SLC18A3: variants seen among roughly 807,000 people sequenced by gnomAD.
SLC18A3 encodes vesicular acetylcholine transporter.
Under a neutral mutation model 24.2 loss-of-function variants are expected in SLC18A3, and 18 were observed. The ratio of observed to expected loss-of-function variants is 0.74; its 90% CI spans 0.51 to 1.10. The LOEUF (loss-of-function observed/expected upper bound fraction) is 1.10, where lower values mean the gene tolerates loss of function less well. Ranked by LOEUF, SLC18A3 falls within the 50% of genes least tolerant of loss-of-function variation. The pLI, the probability that SLC18A3 is intolerant of heterozygous loss-of-function variation, is 0.00. For missense variants in SLC18A3, 744 were observed against 750.7 expected, an observed-to-expected ratio of 0.99 and a Z score of 0.10; for synonymous variants, 415 against 355.4, an observed-to-expected ratio of 1.17 and a Z score of -1.89.
At position 49,612,612 on chromosome 10, in the gene SLC18A3, T is replaced by G; in HGVS notation, c.*273T>G. ...TGAGTCCCCACCTGCGGCTCCCCTG[T>G]GTAGAGCCTGCATCTGTCTGTCCTT... is the stretch of plus-strand genomic sequence containing the variant. On this transcript the variant is annotated 3_prime_UTR_variant, in exon 1 of 1. Coordinates refer to ENST00000374115, the MANE Select transcript of SLC18A3 (RefSeq NM_003055.3). The G allele has an allele frequency of 2.2e-6, 1 of 455,922 alleles. No individual in the cohort carries two copies. 28.2% of individuals were successfully genotyped at this position (455,922 alleles called of 1,614,324 possible).
Position 49,611,366 on chromosome 10 carries a change from A to G in SLC18A3, c.626A>G (p.Glu209Gly). The G allele has an allele frequency of 5.0e-6, 8 of 1,600,182 alleles. No individual in the cohort carries two copies. The highest frequency in any genetic ancestry group is 5.9e-6 in the Non-Finnish European group (7 of 1,179,742). ...MIADKYPEEP[E>G]RSRALGVALA... ...GCCGATAAGTACCCGGAGGAGCCGGAGCGCAGTCGTGCACTGGGCGTGGCG... is the reference window on the plus strand; with the variant it reads ...GCCGATAAGTACCCGGAGGAGCCGGGGCGCAGTCGTGCACTGGGCGTGGCG... The change falls in exon 1 of 1, where the codon GAG (glutamate) becomes GGG (glycine). Residue 209 changes from glutamate (E) to glycine (G), a missense_variant. Transcript: ENST00000374115.
Position 49,610,791 on chromosome 10 carries a change from G to A in SLC18A3, c.51G>A (p.Leu17=), listed in dbSNP as rs757428332. The part of the protein sequence containing the change: ...AGQARAAATK[L]SEAVGAALQE... ...AGGCCCGGGCGGCGGCCACCAAGCT[G>A]TCGGAGGCTGTGGGCGCGGCGCTGC... is the stretch of plus-strand genomic sequence containing the variant. Residue 17 remains leucine, a synonymous_variant, in exon 1 of 1, where the codon CTG becomes CTA. Coordinates refer to ENST00000374115, the MANE Select transcript of SLC18A3 (RefSeq NM_003055.3). 21 of 1,584,544 alleles carry A rather than the reference G, an allele frequency of 1.3e-5. No individual in the cohort carries two copies. Among genetic ancestry groups the A allele is most frequent in the East Asian group, 6.9e-5 (3 of 43,776 alleles).
rs1838279385 is a variant in SLC18A3 at position 49,611,006 on chromosome 10, A to G, written c.266A>G (p.Asn89Ser). 2.5e-6 allele frequency: 4 copies of G among 1,613,566 alleles called. No homozygotes were observed. The highest frequency in any genetic ancestry group is 3.4e-6 in the Non-Finnish European group (4 of 1,179,694). ...ACCCTGCCGCTGCCCACTCCGGCCA[A>G]TGCCAGCGCCTACACGGCCAACACC... ...EPTLPLPTPA[N>S]ASAYTANTSA... The change falls in exon 1 of 1, where the codon AAT becomes AGT. Residue 89 changes from asparagine (N) to serine (S), a missense_variant. By Grantham distance (46) the Asn-to-Ser change is conservative. Around this residue, in one of 3 missense-constraint regions of SLC18A3, gnomAD observed 566 missense variants for 566.2 expected, o/e 1.00. Transcript: ENST00000374115.
Position 49,612,360 on chromosome 10 carries a change from C to T in SLC18A3, c.*21C>T. 1 of 1,561,106 alleles carries T rather than the reference C, an allele frequency of 6.4e-7. No homozygotes were observed. Among genetic ancestry groups the T allele is most frequent in the Non-Finnish European group, 8.7e-7 (1 of 1,149,702 alleles). On this transcript the variant is annotated 3_prime_UTR_variant, in exon 1 of 1. Transcript: ENST00000374115. ...GCTAGCATCCCCACTCCTCCTCCAG[C>T]CCACCCAACCGCCTTGGGTCAAGGG... is the stretch of plus-strand genomic sequence containing the variant.
chr10:49,612,115 A>G lies in SLC18A3; in HGVS notation c.1375A>G (p.Asn459Asp). The G allele has an allele frequency of 6.2e-7, 1 of 1,612,516 alleles. No homozygotes were observed. The highest frequency in any genetic ancestry group is 2.2e-5 in the East Asian group (1 of 44,816). Residue 459 changes from asparagine (N) to aspartate (D), a missense_variant, in exon 1 of 1, where the codon AAC becomes GAC. By Grantham distance (23) the Asn-to-Asp change is conservative. Coordinates refer to ENST00000374115, the MANE Select transcript of SLC18A3 (RefSeq NM_003055.3). ...EQLSLGMGLANLLYAPVLLLL... is the reference protein window; with the variant it reads ...EQLSLGMGLADLLYAPVLLLL... ...GCTCAGCCTTGGCATGGGACTGGCC[A>G]ACCTGCTCTATGCTCCCGTCTTGCT...
chr10:49,612,334 A>G lies in SLC18A3; in HGVS notation c.1594A>G (p.Ser532Gly). ...CGACTACAACTACTACTACACCCGC[A>G]GCTAGCATCCCCACTCCTCCTCCAG... ...EDDYNYYYTRS is the reference protein window; with the variant it reads ...EDDYNYYYTRG The change falls in exon 1 of 1, where the codon AGC becomes GGC. Residue 532 changes from serine (S) to glycine (G), a missense_variant. Ser to Gly is a moderately conservative substitution (Grantham distance 56). This residue lies in a region of SLC18A3 where 160 missense variants were observed against 140.9 expected (regional missense o/e 1.14). Transcript: ENST00000374115. 6.3e-7 allele frequency: 1 copy of G among 1,583,988 alleles called. No individual in the cohort carries two copies. Among genetic ancestry groups the G allele is most frequent in the African/African-American group, 1.3e-5 (1 of 74,410 alleles).
At position 49,611,364 on chromosome 10, in the gene SLC18A3, G is replaced by C. The variant is rs1484351159; in HGVS notation, c.624G>C (p.Pro208=). ...AMIADKYPEE[P]ERSRALGVAL... ...TCGCCGATAAGTACCCGGAGGAGCC[G>C]GAGCGCAGTCGTGCACTGGGCGTGG... Residue 208 remains proline (P), a synonymous_variant, in exon 1 of 1, where the codon CCG becomes CCC. Transcript: ENST00000374115. 3.1e-6 allele frequency: 5 copies of C among 1,600,270 alleles called. No homozygotes were observed. Among genetic ancestry groups the C allele is most frequent in the East Asian group, 4.5e-5 (2 of 44,832 alleles).
Position 49,612,451 on chromosome 10 carries a change from C to A in SLC18A3, c.*112C>A. 1 of 1,066,046 alleles carries A rather than the reference C, an allele frequency of 9.4e-7. No homozygotes were observed. The highest frequency in any genetic ancestry group is 1.6e-5 in the South Asian group (1 of 62,864). The allele number at this position is 1,066,046 out of a possible 1,614,324, so 66.0% of individuals were successfully genotyped here. A position where few individuals can be genotyped will look rare whatever the true frequency, so the allele number is the denominator to read the frequency against. On this transcript the variant is annotated 3_prime_UTR_variant, in exon 1 of 1. Coordinates refer to ENST00000374115, the MANE Select transcript of SLC18A3 (RefSeq NM_003055.3). ...CCACCTCCTCCAGCGAGTACCCCAG[C>A]CACTCCTCAACCTTGACTTCTGCCC...
At position 49,610,904 on chromosome 10, in the gene SLC18A3, C is replaced by T. The variant is rs1838275553; in HGVS notation, c.164C>T (p.Pro55Leu). The part of the protein sequence containing the change: ...LDNMLYMVIV[P>L]IVPDYIAHMR... ...AACATGCTGTACATGGTCATCGTGC[C>T]CATAGTGCCCGACTACATCGCCCAC... The change falls in exon 1 of 1, where the codon CCC (proline) becomes CTC (leucine). Residue 55 changes from proline (P) to leucine (L), a missense_variant. Physicochemically the swap from Pro to Leu is moderately conservative, Grantham distance 98. Around this residue, in one of 3 missense-constraint regions of SLC18A3, gnomAD observed 566 missense variants for 566.2 expected, o/e 1.00. Transcript: ENST00000374115. 6.2e-7 allele frequency: 1 copy of T among 1,612,452 alleles called. No individual in the cohort carries two copies. Among genetic ancestry groups the T allele is most frequent in the African/African-American group, 1.3e-5 (1 of 74,900 alleles).
rs1255542294 is a variant in SLC18A3, at chr10:49,612,292, T to C, written c.1552T>C (p.Phe518Leu). Residue 518 changes from phenylalanine to leucine, a missense_variant, in exon 1 of 1, where the codon TTT becomes CTT. Physicochemically the swap from Phe to Leu is conservative, Grantham distance 22. Coordinates refer to ENST00000374115, the MANE Select transcript of SLC18A3 (RefSeq NM_003055.3). ...DGEPRSPPGP[F>L]DACEDDYNYY... ...CGAGCCTCGCAGCCCGCCTGGCCCTTTTGATGCGTGCGAGGACGACTACAA... is the reference window on the plus strand; with the variant it reads ...CGAGCCTCGCAGCCCGCCTGGCCCTCTTGATGCGTGCGAGGACGACTACAA... 6.2e-7 allele frequency: 1 copy of C among 1,612,214 alleles called. No homozygotes were observed. The highest frequency in any genetic ancestry group is 8.5e-7 in the Non-Finnish European group (1 of 1,179,718).
chr10:49,611,004 C>G lies in SLC18A3; in HGVS notation c.264C>G (p.Ala88=), dbSNP rs763102159. 6.2e-7 allele frequency: 1 copy of G among 1,613,550 alleles called. No individual in the cohort carries two copies. The change falls in exon 1 of 1, where the codon GCC becomes GCG. Residue 88 remains alanine, a synonymous_variant. Transcript: ENST00000374115. ...CCACCCTGCCGCTGCCCACTCCGGC[C>G]AATGCCAGCGCCTACACGGCCAACA... The part of the protein sequence containing the change: ...WEPTLPLPTP[A]NASAYTANTS...
Position 49,612,579 on chromosome 10 carries a change from G to A in SLC18A3, c.*240G>A, listed in dbSNP as rs563339546. On this transcript the variant is annotated 3_prime_UTR_variant, in exon 1 of 1. Transcript: ENST00000374115. ...CCATCGCGCTCCTTGCGGAGGTGAA[G>A]AGGACCCTGAGTCCCCACCTGCGGC... The A allele has an allele frequency of 1.5e-5, 8 of 520,552 alleles. No homozygotes were observed. The South Asian group carries it at 2.3e-4, about 15-fold the overall frequency. The allele number at this position is 520,552 out of a possible 1,614,324, so 32.2% of individuals were successfully genotyped here.
Position 49,611,953 on chromosome 10 carries a change from C to A in SLC18A3, c.1213C>A (p.Leu405Ile). 6.2e-7 allele frequency: 1 copy of A among 1,612,816 alleles called. No individual in the cohort carries two copies. Among genetic ancestry groups the A allele is most frequent in the Non-Finnish European group, 8.5e-7 (1 of 1,179,372 alleles). The part of the protein sequence containing the change: ...ALVDTALLPT[L>I]AFLVDVRHVS... The stretch of plus-strand genomic sequence containing the variant: ...AGTCGACACAGCACTGCTGCCCACG[C>A]TCGCCTTCCTGGTGGACGTGCGCCA... Residue 405 changes from leucine to isoleucine, a missense_variant, in exon 1 of 1, where the codon CTC (leucine) becomes ATC (isoleucine). Transcript: ENST00000374115.
Position 49,610,744 on chromosome 10 carries a change from G to C in SLC18A3, c.4G>C (p.Glu2Gln). 1 of 1,517,262 alleles carries C rather than the reference G, an allele frequency of 6.6e-7. No homozygotes were observed. The highest frequency in any genetic ancestry group is 8.8e-7 in the Non-Finnish European group (1 of 1,135,716). The allele number at this position is 1,517,262 out of a possible 1,614,324, so 94.0% of individuals were successfully genotyped here. A position where few individuals can be genotyped will look rare whatever the true frequency, so the allele number is the denominator to read the frequency against. The change falls in exon 1 of 1, where the codon GAA becomes CAA. Residue 2 changes from glutamate to glutamine, a missense_variant. By Grantham distance (29) the Glu-to-Gln change is conservative (BLOSUM62 2). This residue lies in a region of SLC18A3 where 566 missense variants were observed against 566.2 expected (regional missense o/e 1.00). Coordinates refer to ENST00000374115, the MANE Select transcript of SLC18A3 (RefSeq NM_003055.3). Reference sequence around the variant, plus strand: ...GGAAGAGCATCGGGGTGGGGGCATGGAATCCGCGGAACCTGCGGGCCAGGC... The same window carrying C: ...GGAAGAGCATCGGGGTGGGGGCATGCAATCCGCGGAACCTGCGGGCCAGGC... M[E>Q]SAEPAGQARA...
chr10:49,610,356 C>T lies in SLC18A3; in HGVS notation c.-385C>T, dbSNP rs960883395. 12 of 202,578 alleles carry T rather than the reference C, an allele frequency of 5.9e-5. No individual in the cohort carries two copies. In the East Asian group the frequency reaches 1.2e-3, roughly 20 times the overall value. The allele number at this position is 202,578 out of a possible 1,614,324, so 12.5% of individuals were successfully genotyped here. A position where few individuals can be genotyped will look rare whatever the true frequency, so the allele number is the denominator to read the frequency against. ...GGAGCGCAGCGGCGGGGCTAACGGG[C>T]GGGCAAGCGGGCGGGCGGCAACAGC... On this transcript the variant is annotated 5_prime_UTR_variant, in exon 1 of 1. Coordinates refer to ENST00000374115, the MANE Select transcript of SLC18A3 (RefSeq NM_003055.3).
rs769292743 is a variant in SLC18A3, at chr10:49,612,618, G to C, written c.*279G>C. On this transcript the variant is annotated 3_prime_UTR_variant, in exon 1 of 1. Coordinates refer to ENST00000374115, the MANE Select transcript of SLC18A3 (RefSeq NM_003055.3). ...CCCACCTGCGGCTCCCCTGTGTAGA[G>C]CCTGCATCTGTCTGTCCTTCCTTCC... 1 of 429,822 alleles carries C rather than the reference G, an allele frequency of 2.3e-6. No homozygotes were observed. The highest frequency in any genetic ancestry group is 2.0e-5 in the African/African-American group (1 of 49,264). The allele number at this position is 429,822 out of a possible 1,614,324, so 26.6% of individuals were successfully genotyped here.
rs201839613 is a variant in SLC18A3, at chr10:49,611,182, C to A, written c.442C>A (p.Arg148Ser). ...CCCCTTGAGCGGGCCCTTCATCGAC[C>A]GCATGAGCTACGACGTGCCGCTGCT... ...VNPLSGPFID[R>S]MSYDVPLLIG... The change falls in exon 1 of 1, where the codon CGC becomes AGC. Residue 148 changes from arginine to serine, a missense_variant. Arg to Ser is a moderately radical substitution (Grantham distance 110). Around this residue, in one of 3 missense-constraint regions of SLC18A3, gnomAD observed 566 missense variants for 566.2 expected, o/e 1.00. Coordinates refer to ENST00000374115, the MANE Select transcript of SLC18A3 (RefSeq NM_003055.3). The A allele has an allele frequency of 2.8e-5, 45 of 1,614,056 alleles. No homozygotes were observed. Among genetic ancestry groups the A allele is most frequent in the Non-Finnish European group, 3.6e-5 (43 of 1,180,012 alleles).
Position 49,612,364 on chromosome 10 carries a change from C to T in SLC18A3, c.*25C>T, listed in dbSNP as rs759012127. The T allele has an allele frequency of 3.2e-6, 5 of 1,559,328 alleles. No homozygotes were observed. The East Asian group carries it at 1.1e-4, about 35-fold the overall frequency. ...GCATCCCCACTCCTCCTCCAGCCCACCCAACCGCCTTGGGTCAAGGGGGCT... is the reference window on the plus strand; with the variant it reads ...GCATCCCCACTCCTCCTCCAGCCCATCCAACCGCCTTGGGTCAAGGGGGCT... On this transcript the variant is annotated 3_prime_UTR_variant, in exon 1 of 1. Transcript: ENST00000374115.
Position 49,611,157 on chromosome 10 carries a change from C to T in SLC18A3, c.417C>T (p.Asn139=), listed in dbSNP as rs1838283854. 1 of 1,614,198 alleles carries T rather than the reference C, an allele frequency of 6.2e-7. No individual in the cohort carries two copies. Among genetic ancestry groups the T allele is most frequent in the Non-Finnish European group, 8.5e-7 (1 of 1,180,002 alleles). Residue 139 remains asparagine (N), a synonymous_variant, in exon 1 of 1, where the codon AAC becomes AAT. Coordinates refer to ENST00000374115, the MANE Select transcript of SLC18A3 (RefSeq NM_003055.3). The part of the protein sequence containing the change: ...ASKAILQLLV[N]PLSGPFIDRM... The stretch of plus-strand genomic sequence containing the variant: ...AGGCTATCCTGCAGCTGCTAGTGAA[C>T]CCCTTGAGCGGGCCCTTCATCGACC...
Sources: gnomAD v4.1 joint callset for allele counts on GRCh38, gnomAD v4.1.1 for gene constraint, gnomAD v4.1.1 regional missense constraint, MANE v1.5 for transcripts, NCBI Gene and HGNC (gene_info 2026-07-23, HGNC 2026-07-21) for gene names.